Variants in KIAA0930 observed in about 807,000 individuals in gnomAD.
The protein encoded by KIAA0930 is uncharacterized protein KIAA0930.
A neutral mutation model predicts 43.9 loss-of-function variants in KIAA0930; 24 were observed. The observed-to-expected ratio is 0.55, with a 90% CI of 0.40 to 0.77. The LOEUF (loss-of-function observed/expected upper bound fraction) is 0.77. KIAA0930 is among the 30% of genes least tolerant of loss of function. KIAA0930 has a pLI of 0.00. For missense variants in KIAA0930, 461 were observed against 574.2 expected (o/e 0.80, Z 2.02); for synonymous variants, 259 against 216.4 (o/e 1.20, Z -1.73).
chr22:45,237,890 C>A (rs1055979100), intron 1 of KIAA0930, among the ~76,000 whole-genome samples: 2 of 151,362 alleles, frequency 1.3e-5, no homozygotes, highest in African/African-American at 4.9e-5. Context: ...TCACCCCTCG[C>A]TGAACATCAA....
intron 1 of KIAA0930, chr22:45,212,342 A>C: frequency 6.2e-7 from 1 of 1,610,780 alleles, no homozygotes; most frequent in East Asian, 2.2e-5. Flanking sequence ...CTGAGAGCCC[A>C]TGCTCCCAGC....
At chr22:45,205,586 GA>G (rs1221299422) in intron 4 of KIAA0930, 43 bp downstream of exon 4, 8 of 1,575,736 alleles carry the variant, frequency 5.1e-6, no homozygotes, top group Non-Finnish European at 7.0e-6. Flanking sequence ...CGCCCAGCCT[GA>G]ACTGGCAGTT....
intron 2 of KIAA0930, among the ~76,000 whole-genome samples, chr22:45,209,445 G>T (rs1410748310): frequency 6.6e-6 from 1 of 152,154 alleles, no homozygotes; most frequent in Admixed American, 6.5e-5. Context: ...CACCCACCAG[G>T]CCCCGCAATC....
Position 45,203,101 on chromosome 22 carries a change from GCCCTT to G in KIAA0930, c.736_740del (p.Lys246ProfsTer18). The G allele has an allele frequency of 6.2e-7, 1 of 1,613,806 alleles. No individual in the cohort carries two copies. Among genetic ancestry groups the G allele is most frequent in the Non-Finnish European group, 8.5e-7 (1 of 1,179,862 alleles). On this transcript the variant is annotated frameshift_variant, in exon 7 of 10. Coordinates refer to ENST00000336156, the MANE Select transcript of KIAA0930 (RefSeq NM_001009880.2). LOFTEE classifies it high-confidence loss of function. Reference sequence around the variant, plus strand: ...TCTCGGCGTGGCCCTTGCCCTGGGGGCCCTTCATGCGCACAAACTCCATGTTGCTG... The same window carrying G: ...TCTCGGCGTGGCCCTTGCCCTGGGGGCATGCGCACAAACTCCATGTTGCTG...
At position 45,211,983 on chromosome 22, in the gene KIAA0930, G is replaced by A; in HGVS notation, c.189C>T (p.Gly63=). 1 of 1,612,856 alleles carries A rather than the reference G, an allele frequency of 6.2e-7. No homozygotes were observed. The highest frequency in any genetic ancestry group is 2.2e-5 in the East Asian group (1 of 44,862). The change falls in exon 2 of 10, where the codon GGC becomes GGT. Residue 63 remains glycine (G), a synonymous_variant. Coordinates refer to ENST00000336156, the MANE Select transcript of KIAA0930 (RefSeq NM_001009880.2). The stretch of plus-strand genomic sequence containing the variant: ...TCCTCCCGTCTGCACCGCTTTCGCT[G>A]CCGGAGTACGCCAGCTTCCGGCGCA... ...FYVRRKLAYS[G]SESGADGRKA...
In KIAA0930 at chr22:45,194,182, CT is replaced by C; in HGVS notation, c.*2993del. ...CTCTGCCTACTAGGTTCAAGTGATT[CT>C]CCTTCCTCAGCCTTCCGAGTAGCTG... On this transcript the variant is annotated 3_prime_UTR_variant, in exon 10 of 10. Transcript: ENST00000336156. 1 of 143,232 alleles carries C rather than the reference CT, an allele frequency of 7.0e-6. No individual in the cohort carries two copies. Among genetic ancestry groups the C allele is most frequent in the Non-Finnish European group, 1.5e-5 (1 of 66,610 alleles). The allele number at this position is 143,232 out of a possible 1,614,324, so 8.9% of individuals were successfully genotyped here. A position where few individuals can be genotyped will look rare whatever the true frequency, so the allele number is the denominator to read the frequency against.
intron 2 of KIAA0930, among the ~76,000 whole-genome samples, chr22:45,208,459 T>TG (rs1260856289): frequency 1.3e-5 from 2 of 150,186 alleles, no homozygotes; most frequent in African/African-American, 4.9e-5. Context: ...GCAGGAGCTG[T>TG]GAGAACAGGC....
chr22:45,206,009 C>A, intron 2 of KIAA0930, 97 bp from the exon 3 acceptor site: 1 of 1,537,448 alleles, frequency 6.5e-7, no homozygotes, highest in Non-Finnish European at 8.7e-7. Context: ...ACAAGGACTC[C>A]AATTCTTTTT....
intron 1 of KIAA0930, chr22:45,213,454 G>C (rs1043089487): frequency 1.6e-6 from 2 of 1,254,682 alleles, no homozygotes; most frequent in Admixed American, 2.6e-5. Flanking sequence ...GAGAGCCCAC[G>C]GGACTGGCAA....
intron 1 of KIAA0930, among the ~76,000 whole-genome samples, chr22:45,215,476 T>G (rs1053536427): frequency 1.3e-5 from 2 of 152,176 alleles, no homozygotes; most frequent in Non-Finnish European, 2.9e-5. Context: ...ACATTTCGTG[T>G]GTTACTCATG....
intron 7 of KIAA0930, chr22:45,201,104 TCCA>T (rs2083584975): frequency 2.2e-6 from 1 of 450,324 alleles, no homozygotes; most frequent in Non-Finnish European, 4.5e-6. Context: ...GGCTCCGACA[TCCA>T]CCAAAGTCCT....
Position 45,221,727 on chromosome 22 carries a change from T to TTTG in KIAA0930, c.65-9623_65-9621dup, listed in dbSNP as rs370870475. Among the ~76,000 whole-genome samples the TTTG allele has an allele frequency of 3.2e-4, 48 of 152,048 alleles. No homozygotes were observed. The South Asian group carries it at 3.3e-3, about 11-fold the overall frequency. ...AACTCAAACACACAATAACTGGGTT[T>TTTG]TTGTTGTTGTTGTTGTTGTTTTTTG... On this transcript the variant is annotated intron_variant, in intron 1 of 9. Transcript: ENST00000336156.
rs1052906024 is a variant in KIAA0930, at chr22:45,213,381, G to C, written c.65-1274C>G. On this transcript the variant is annotated intron_variant, in intron 1 of 9. Coordinates refer to ENST00000336156, the MANE Select transcript of KIAA0930 (RefSeq NM_001009880.2). ...GGCAGTGAGAGGGAGGAAAAGAGAAGGAGGCTTCATCGGTGAGGGTCTGGG... is the reference window on the plus strand; with the variant it reads ...GGCAGTGAGAGGGAGGAAAAGAGAACGAGGCTTCATCGGTGAGGGTCTGGG... The C allele has an allele frequency of 2.3e-6, 3 of 1,303,364 alleles. No individual in the cohort carries two copies. In the South Asian group the frequency reaches 3.7e-5, roughly 16 times the overall value. The allele number at this position is 1,303,364 out of a possible 1,614,324, so 80.7% of individuals were successfully genotyped here.
intron 1 of KIAA0930, among the ~76,000 whole-genome samples, chr22:45,221,047 C>T (rs1278688931): frequency 1.3e-5 from 2 of 152,166 alleles, no homozygotes; most frequent in Non-Finnish European, 2.9e-5. Context: ...CAAATTCCTC[C>T]ACCAAGCTTA....
rs1236944591 is a variant in KIAA0930 at position 45,207,183 on chromosome 22, G to A, written c.217-1271C>T. Among the ~76,000 whole-genome samples the A allele has an allele frequency of 2.1e-5, 3 of 142,516 alleles. No homozygotes were observed. In the Admixed American group the frequency reaches 2.2e-4, roughly 10 times the overall value. The allele number at this position is 142,516 out of a possible 152,430, so 93.5% of individuals were successfully genotyped here. A position where few individuals can be genotyped will look rare whatever the true frequency, so the allele number is the denominator to read the frequency against. ...CACCACACCTGGCTAATTTTTTTCT[G>A]TATTTTTAATAGAGAGGGGGTTTCA... On this transcript the variant is annotated intron_variant, in intron 2 of 9. Coordinates refer to ENST00000336156, the MANE Select transcript of KIAA0930 (RefSeq NM_001009880.2).
In KIAA0930 at chr22:45,196,831, G is replaced by A. The variant is rs1045007775; in HGVS notation, c.*345C>T. The A allele has an allele frequency of 2.8e-5, 8 of 281,280 alleles. No individual in the cohort carries two copies. Among genetic ancestry groups the A allele is most frequent in the African/African-American group, 6.6e-5 (3 of 45,306 alleles). 17.4% of individuals were successfully genotyped at this position (281,280 alleles called of 1,614,324 possible). A position where few individuals can be genotyped will look rare whatever the true frequency, so the allele number is the denominator to read the frequency against. On this transcript the variant is annotated 3_prime_UTR_variant, in exon 10 of 10. Transcript: ENST00000336156. The surrounding 1 kb of genome is among the most constrained non-coding windows in gnomAD (Gnocchi z 4.1). ...GCTGGGGGGACGTGAACATAGACCC[G>A]CCGCTCTGGCCCCGCTCTGGGCATC... is the stretch of plus-strand genomic sequence containing the variant.
chr22:45,209,266 G>C (rs1389691855), intron 2 of KIAA0930, among the ~76,000 whole-genome samples: 1 of 152,160 alleles, frequency 6.6e-6, no homozygotes. Flanking sequence ...GACTTGCAGT[G>C]CGCAGGCGAC....
At chr22:45,227,003 C>G (rs2083805975) in intron 1 of KIAA0930, 2 of 153,070 alleles carry the variant, frequency 1.3e-5, no homozygotes, top group African/African-American at 4.8e-5. Context: ...CAAACCCTGG[C>G]AGAGGAACTC....
chr22:45,204,902 C>T (rs536580976), intron 5 of KIAA0930, among the ~76,000 whole-genome samples: 4 of 152,272 alleles, frequency 2.6e-5, no homozygotes, highest in East Asian at 1.9e-4. Flanking sequence ...TCCTCCCGCC[C>T]GGGCAGTGCT....
Sources: gnomAD v4.1 joint callset for allele counts (sites outside exome capture counted in the v4.1 genomes callset) on GRCh38, gnomAD v4.1.1 for gene constraint, Gnocchi (gnomAD v3.1) non-coding constraint, MANE v1.5 for transcripts, NCBI Gene and HGNC (gene_info 2026-07-23, HGNC 2026-07-21) for gene names.